The following VPS13C variants were observed in gnomAD, a reference collection of about 807,000 sequenced individuals.
VPS13C encodes vacuolar protein sorting 13 homolog C.
Under a neutral mutation model 456.8 loss-of-function variants are expected in VPS13C, and 358 were observed. The ratio of observed to expected loss-of-function variants is 0.78; its 90% CI spans 0.72 to 0.86. The LOEUF is 0.86. Among genes scored for constraint, VPS13C ranks in the 40% least tolerant of loss-of-function variants. VPS13C has a pLI of 0.00. For synonymous variants in VPS13C, 1,578 were observed against 1,486.7 expected, an observed-to-expected ratio of 1.06 and a Z score of -1.41; for missense variants, 4,818 against 4,385.4, an observed-to-expected ratio of 1.10 and a Z score of -2.79.
At chr15:61,916,739 A>C (rs1044503395) in intron 60 of VPS13C, among the ~76,000 whole-genome samples, 1 of 152,130 alleles carries the variant, frequency 6.6e-6, no homozygotes, top group Non-Finnish European at 1.5e-5. Flanking sequence ...TTTATCATAT[A>C]CCATTACTAG....
At chr15:62,023,365 T>G in intron 8 of VPS13C, 46 bp downstream of exon 8, 1 of 1,159,726 alleles carries the variant, frequency 8.6e-7, no homozygotes, top group Non-Finnish European at 1.2e-6. Context: ...AAGAATATTA[T>G]AAAATACATA....
At chr15:61,872,825 C>G (rs1213178487) in intron 78 of VPS13C, among the ~76,000 whole-genome samples, 5 of 151,980 alleles carry the variant, frequency 3.3e-5, no homozygotes, top group Admixed American at 6.6e-5. Context: ...AAGCAGTATT[C>G]ATATATTACC....
intron 61 of VPS13C, among the ~76,000 whole-genome samples, chr15:61,914,589 T>C (rs1193206920): frequency 2.6e-5 from 4 of 151,030 alleles, no homozygotes; most frequent in Middle Eastern, 3.2e-3. Context: ...AGATGGGGTC[T>C]CACTCTATCG....
chr15:61,869,396 C>T (rs1894846052), intron 80 of VPS13C, 104 bp downstream of exon 80: 4 of 1,300,284 alleles, frequency 3.1e-6, no homozygotes, highest in Non-Finnish European at 4.2e-6. Context: ...TTCAATTAGA[C>T]TTTAAGATCC....
chr15:61,923,536 T>G (rs930132229), intron 53 of VPS13C, among the ~76,000 whole-genome samples: 1 of 152,076 alleles, frequency 6.6e-6, no homozygotes, highest in Non-Finnish European at 1.5e-5. Flanking sequence ...CAAGATAAAA[T>G]TGAAACTCTC....
intron 1 of VPS13C, among the ~76,000 whole-genome samples, chr15:62,050,974 A>C (rs1215108304): frequency 6.6e-6 from 1 of 152,158 alleles, no homozygotes; most frequent in Non-Finnish European, 1.5e-5. Context: ...TATAGAAAAC[A>C]ACCAAGCTAG....
At chr15:62,016,002 C>T (rs1007788044) in intron 9 of VPS13C, among the ~76,000 whole-genome samples, 5 of 144,090 alleles carry the variant, frequency 3.5e-5, no homozygotes, top group African/African-American at 1.2e-4. Flanking sequence ...CCTTCACTGC[C>T]TTTCCTTTGT....
intron 20 of VPS13C, among the ~76,000 whole-genome samples, chr15:61,983,236 G>A (rs895587520): frequency 6.6e-6 from 1 of 152,086 alleles, no homozygotes; most frequent in South Asian, 2.1e-4. Flanking sequence ...AATTACATCA[G>A]GGATCTCAAC....
chr15:61,982,614 T>C, intron 20 of VPS13C, 41 bp from the exon 21 acceptor site: 1 of 1,416,744 alleles, frequency 7.1e-7, no homozygotes, highest in South Asian at 1.3e-5. Context: ...TTACACATGG[T>C]TCTTTCCATA....
Position 61,929,548 on chromosome 15 carries a change from T to C in VPS13C, c.6239A>G (p.Gln2080Arg). 1 of 1,614,122 alleles carries C rather than the reference T, an allele frequency of 6.2e-7. No homozygotes were observed. The highest frequency in any genetic ancestry group is 8.5e-7 in the Non-Finnish European group (1 of 1,179,990). Residue 2080 changes from glutamine to arginine, a missense_variant, in exon 51 of 85, where the codon CAG (glutamine) becomes CGG (arginine). Physicochemically the swap from Gln to Arg is conservative, Grantham distance 43. Coordinates refer to ENST00000644861, the MANE Select transcript of VPS13C (RefSeq NM_020821.3). Reference protein sequence around the residue: ...QSPENVAKETQILPRQTATGK... With the variant: ...QSPENVAKETRILPRQTATGK... Reference sequence around the variant, plus strand: ...TGTGGCAGTCTGTCTTGGTAAAATCTGTGTTTCTTTTGCCACATTTTCTGG... The same window carrying C: ...TGTGGCAGTCTGTCTTGGTAAAATCCGTGTTTCTTTTGCCACATTTTCTGG...
At chr15:61,943,862 A>G (rs1054801899) in intron 45 of VPS13C, among the ~76,000 whole-genome samples, 5 of 152,094 alleles carry the variant, frequency 3.3e-5, no homozygotes, top group Non-Finnish European at 7.4e-5. Context: ...TACAAAATAG[A>G]AAAAATGTTC....
At chr15:61,860,916 G>A (rs1374008903) in intron 82 of VPS13C, among the ~76,000 whole-genome samples, 5 of 150,788 alleles carry the variant, frequency 3.3e-5, no homozygotes, top group Non-Finnish European at 5.9e-5. Context: ...TATGTCCTAG[G>A]CAAACTAGAA....
chr15:62,049,082 T>A (rs1485334732), intron 1 of VPS13C, among the ~76,000 whole-genome samples: 3 of 151,982 alleles, frequency 2.0e-5, no homozygotes, highest in Admixed American at 6.6e-5. Context: ...TAGTTTCTTT[T>A]GCTGTGCAGA....
At chr15:61,909,410 T>C (rs1449406556) in intron 64 of VPS13C, among the ~76,000 whole-genome samples, 2 of 152,196 alleles carry the variant, frequency 1.3e-5, no homozygotes, top group Admixed American at 6.5e-5. Context: ...GGTTTCACCA[T>C]ATTGGCCAGG....
At chr15:61,935,466 T>G (rs2044197145) in intron 48 of VPS13C, 1 of 152,226 alleles carries the variant, frequency 6.6e-6, no homozygotes, top group Admixed American at 6.5e-5. Flanking sequence ...GCAGCTTCCA[T>G]TTGAATTCAC....
chr15:61,904,332 G>A (rs567124402), intron 66 of VPS13C, among the ~76,000 whole-genome samples: 9 of 151,034 alleles, frequency 6.0e-5, no homozygotes, highest in Admixed American at 2.0e-4. Context: ...ATTTAAAAAC[G>A]GGCAAAAGAT....
Position 61,907,401 on chromosome 15 carries a change from A to G in VPS13C, c.8979-11T>C. The G allele has an allele frequency of 6.2e-7, 1 of 1,612,688 alleles. No homozygotes were observed. Among genetic ancestry groups the G allele is most frequent in the East Asian group, 2.2e-5 (1 of 44,866 alleles). On this transcript the variant is annotated splice_polypyrimidine_tract_variant and intron_variant, in intron 65 of 84. Coordinates refer to ENST00000644861, the MANE Select transcript of VPS13C (RefSeq NM_020821.3). ...TCTTCTGGTGACCCACTAAAACACAATGAACAGAGAGAAAATCAGAATATC... is the reference window on the plus strand; with the variant it reads ...TCTTCTGGTGACCCACTAAAACACAGTGAACAGAGAGAAAATCAGAATATC...
At chr15:62,010,051 G>T (rs533075435) in intron 13 of VPS13C, among the ~76,000 whole-genome samples, 1 of 152,170 alleles carries the variant, frequency 6.6e-6, no homozygotes, top group Admixed American at 6.5e-5. Flanking sequence ...ATAGCCAGGA[G>T]TGGTGGCAGG....
chr15:61,924,088 G>C (rs922862085), intron 53 of VPS13C, among the ~76,000 whole-genome samples: 1 of 150,890 alleles, frequency 6.6e-6, no homozygotes, highest in Non-Finnish European at 1.5e-5. Flanking sequence ...GGATGGTCTC[G>C]ATCTCCTGAC....
Sources: allele counts gnomAD v4.1 joint callset (sites outside exome capture counted in the v4.1 genomes callset), GRCh38; gene constraint gnomAD v4.1.1; transcripts MANE v1.5; gene names NCBI Gene and HGNC (gene_info 2026-07-23, HGNC 2026-07-21).